The following NDUFS4 variants were observed in gnomAD, a reference collection of about 807,000 sequenced individuals.
NDUFS4 encodes the protein NADH dehydrogenase [ubiquinone] iron-sulfur protein 4, mitochondrial.
A neutral mutation model predicts 24.3 loss-of-function variants in NDUFS4; 28 were observed. The ratio of observed to expected loss-of-function variants is 1.15; its 90% confidence interval spans 0.85 to 1.58. The LOEUF (loss-of-function observed/expected upper bound fraction) is 1.58, where lower values mean the gene tolerates loss of function less well. Ranked by LOEUF, NDUFS4 falls within the 40% of genes most tolerant of loss-of-function variation. The pLI is 0.00. For missense variants in NDUFS4, 223 were observed against 207.9 expected, an observed-to-expected ratio of 1.07 and a Z score of -0.45; for synonymous variants, 93 against 69.7, an observed-to-expected ratio of 1.34 and a Z score of -1.67.
Position 53,593,571 on chromosome 5 carries a change from T to A in NDUFS4, c.99-9881T>A, listed in dbSNP as rs146378487. ...TTGATGTTTACTATAATTTTTTTTA[T>A]CTTCTTCTTGCCTTAGGTTTATGTT... On this transcript the variant is annotated intron_variant, in intron 1 of 4. Transcript: ENST00000296684. 1.4e-3 allele frequency among the ~76,000 whole-genome samples: 207 copies of A among 151,502 alleles called. 1 individual carries two copies. Among genetic ancestry groups the A allele is most frequent in the African/African-American group, 4.9e-3 (202 of 41,482 alleles).
At chr5:53,674,827 A>G (rs1475641632) in intron 4 of NDUFS4, among the ~76,000 whole-genome samples, 1 of 152,166 alleles carries the variant, frequency 6.6e-6, no homozygotes, top group Non-Finnish European at 1.5e-5. Context: ...ATCAGTAAAC[A>G]TGTATAATTA....
At position 53,683,234 on chromosome 5, in the gene NDUFS4, T is replaced by A; in HGVS notation, c.*13T>A. On this transcript the variant is annotated 3_prime_UTR_variant, in exon 5 of 5. Coordinates refer to ENST00000296684, the MANE Select transcript of NDUFS4 (RefSeq NM_002495.4). The stretch of plus-strand genomic sequence containing the variant: ...ATCCACAAAATAGGTTGGCACTGAC[T>A]ATATCTCTGCTTGACTGTGAATAAA... 2 of 1,536,974 alleles carry A rather than the reference T, an allele frequency of 1.3e-6. No homozygotes were observed. The highest frequency in any genetic ancestry group is 2.2e-5 in the South Asian group (2 of 89,534).
chr5:53,597,911 AAAC>A (rs1750178614), intron 1 of NDUFS4, among the ~76,000 whole-genome samples: 1 of 152,242 alleles, frequency 6.6e-6, no homozygotes, highest in African/African-American at 2.4e-5. Context: ...AACAATAAGA[AAAC>A]AAGCAACCCA....
At chr5:53,611,656 G>T (rs1437196101) in intron 2 of NDUFS4, among the ~76,000 whole-genome samples, 2 of 151,940 alleles carry the variant, frequency 1.3e-5, no homozygotes, top group South Asian at 4.1e-4. Flanking sequence ...ATACTAAGGA[G>T]ATCTTATAAA....
chr5:53,646,221 G>GT lies in NDUFS4; in HGVS notation c.178-7dup. ...TGTTTGAAACGTGTTTTTTTTTCTTGTTTTTCTGTAGGATATCACTACTTT... is the reference window on the plus strand; with the variant it reads ...TGTTTGAAACGTGTTTTTTTTTCTTGTTTTTTCTGTAGGATATCACTACTTT... On this transcript the variant is annotated splice_polypyrimidine_tract_variant and intron_variant, in intron 2 of 4. Transcript: ENST00000296684. The GT allele has an allele frequency of 1.3e-6, 2 of 1,588,240 alleles. No individual in the cohort carries two copies. The highest frequency in any genetic ancestry group is 1.7e-6 in the Non-Finnish European group (2 of 1,160,882).
At chr5:53,599,705 T>A (rs1035724994) in intron 1 of NDUFS4, among the ~76,000 whole-genome samples, 2 of 152,290 alleles carry the variant, frequency 1.3e-5, no homozygotes, top group Admixed American at 6.5e-5. Flanking sequence ...TGTTCTATTT[T>A]GTATTATTTT....
intron 1 of NDUFS4, among the ~76,000 whole-genome samples, chr5:53,573,236 A>G (rs569303421): frequency 7.9e-5 from 12 of 151,848 alleles, no homozygotes; most frequent in Non-Finnish European, 1.0e-4. Context: ...AGGCTCCCCA[A>G]AGTACTGGGA....
intron 4 of NDUFS4, among the ~76,000 whole-genome samples, chr5:53,662,553 T>G (rs1277647793): frequency 6.6e-6 from 1 of 152,166 alleles, no homozygotes; most frequent in Non-Finnish European, 1.5e-5. Context: ...TTGATTGGAA[T>G]AGTTTCAGAA....
At chr5:53,669,712 A>G (rs932438410) in intron 4 of NDUFS4, among the ~76,000 whole-genome samples, 1 of 152,138 alleles carries the variant, frequency 6.6e-6, no homozygotes, top group African/African-American at 2.4e-5. Flanking sequence ...TAGTTCTTAC[A>G]CTCAAACTGT....
chr5:53,670,356 A>C (rs1015616477), intron 4 of NDUFS4, among the ~76,000 whole-genome samples: 8 of 152,090 alleles, frequency 5.3e-5, no homozygotes, highest in African/African-American at 1.9e-4. Context: ...ATGTGATTTT[A>C]GCTCTTGATA....
intron 2 of NDUFS4, among the ~76,000 whole-genome samples, chr5:53,643,755 T>C (rs1263789557): frequency 1.3e-5 from 2 of 152,134 alleles, no homozygotes; most frequent in African/African-American, 4.8e-5. Flanking sequence ...GTCAAGTATA[T>C]GAGAGATGCC....
intron 1 of NDUFS4, among the ~76,000 whole-genome samples, chr5:53,596,428 G>T (rs1047556736): frequency 6.6e-6 from 1 of 152,020 alleles, no homozygotes; most frequent in Admixed American, 6.6e-5. Context: ...GCCATATCCT[G>T]TGTCAAAAAG....
At chr5:53,601,438 C>T (rs1324199570) in intron 1 of NDUFS4, among the ~76,000 whole-genome samples, 2 of 152,116 alleles carry the variant, frequency 1.3e-5, no homozygotes, top group East Asian at 3.8e-4. Context: ...CTTTGGATTA[C>T]AACTAATATA....
intron 3 of NDUFS4, 36 bp downstream of exon 3, chr5:53,646,441 A>G (rs537750313): frequency 2.5e-6 from 4 of 1,593,892 alleles, no homozygotes; most frequent in South Asian, 2.2e-5. Flanking sequence ...ATTGTCAGCT[A>G]TCTTTTTCTA....
At chr5:53,609,813 C>CT (rs60463157) in intron 2 of NDUFS4, among the ~76,000 whole-genome samples, 119,150 of 151,968 alleles carry the variant, frequency 0.78, 46,853 homozygotes, top group African/African-American at 0.83. Flanking sequence ...AGATGGCTTC[C>CT]TCCTTAGACC....
chr5:53,605,640 G>A (rs1390417256), intron 2 of NDUFS4, among the ~76,000 whole-genome samples: 1 of 152,134 alleles, frequency 6.6e-6, no homozygotes, highest in African/African-American at 2.4e-5. Flanking sequence ...CCTGTAAGGG[G>A]ATTGGTTCTA....
At chr5:53,673,447 G>A (rs1017465131) in intron 4 of NDUFS4, among the ~76,000 whole-genome samples, 2 of 152,050 alleles carry the variant, frequency 1.3e-5, no homozygotes, top group Non-Finnish European at 2.9e-5. Flanking sequence ...AAGTTGTCCG[G>A]AGATGTGAAC....
At chr5:53,619,507 A>AAAAC in intron 2 of NDUFS4, among the ~76,000 whole-genome samples, 1 of 150,480 alleles carries the variant, frequency 6.6e-6, no homozygotes, top group Non-Finnish European at 1.5e-5. Context: ...AAAAAAAAAA[A>AAAAC]ACACATTATA....
chr5:53,666,848 C>T (rs1040531238), intron 4 of NDUFS4, among the ~76,000 whole-genome samples: 4 of 152,194 alleles, frequency 2.6e-5, no homozygotes, highest in South Asian at 2.1e-4. Flanking sequence ...ACAGGAGAAT[C>T]GCTTGAACTC....
Sources: gnomAD v4.1 joint callset for allele counts (sites outside exome capture counted in the v4.1 genomes callset) on GRCh38, gnomAD v4.1.1 for gene constraint, MANE v1.5 for transcripts, NCBI Gene and HGNC (gene_info 2026-07-23, HGNC 2026-07-21) for gene names.